The following CHCHD1 variants were observed in gnomAD, a reference collection of about 807,000 sequenced individuals.
The protein encoded by CHCHD1 is small ribosomal subunit protein mS37.
In CHCHD1, 12 loss-of-function variants were observed where a neutral mutation model predicts 12.7. That is an observed-to-expected ratio of 0.95 (90% CI 0.61 to 1.53). The LOEUF is 1.53. Among genes scored for constraint, CHCHD1 ranks in the 40% most tolerant of loss-of-function variants. CHCHD1 has a pLI of 0.00. For missense variants in CHCHD1, 151 were observed against 155.8 expected (o/e 0.97, Z 0.17); for synonymous variants, 57 against 62.4 (o/e 0.91, Z 0.41).
intron 2 of CHCHD1, 107 bp from the exon 3 acceptor site, chr10:73,782,967 C>T: frequency 1.2e-6 from 1 of 869,284 alleles, no homozygotes; most frequent in Non-Finnish European, 1.9e-6. Context: ...TATGGGCCTA[C>T]ATCAGGACAA....
At chr10:73,782,685 G>A in intron 2 of CHCHD1, 1 of 1,007,658 alleles carries the variant, frequency 9.9e-7, no homozygotes, top group Non-Finnish European at 1.4e-6. Flanking sequence ...AGAATGTTGT[G>A]AGTGTCAGAT....
intron 2 of CHCHD1, 165 bp downstream of exon 2, chr10:73,782,606 C>G (rs1218214909): frequency 7.0e-7 from 1 of 1,433,980 alleles, no homozygotes; most frequent in Non-Finnish European, 9.1e-7. Flanking sequence ...GTGATCTTGA[C>G]GGATTTATTC....
In CHCHD1 at chr10:73,782,164, C is replaced by T. The variant is rs750068254; in HGVS notation, c.89C>T (p.Ala30Val). The part of the protein sequence containing the change: ...VLKPNKPLIL[A>V]NRVGERRREK... ...AAGCCCAATAAACCTCTCATTCTAG[C>T]TAACCGCGTCGGGGAGCGGCGCCGG... Residue 30 changes from alanine to valine, a missense_variant, in exon 1 of 3, where the codon GCT becomes GTT. Transcript: ENST00000372833. 1.9e-6 allele frequency: 3 copies of T among 1,613,928 alleles called. No homozygotes were observed. The highest frequency in any genetic ancestry group is 2.5e-6 in the Non-Finnish European group (3 of 1,180,004).
Position 73,782,105 on chromosome 10 carries a change from G to A in CHCHD1, c.30G>A (p.Leu10=). 6.2e-7 allele frequency: 1 copy of A among 1,613,328 alleles called. No homozygotes were observed. Among genetic ancestry groups the A allele is most frequent in the Non-Finnish European group, 8.5e-7 (1 of 1,179,950 alleles). The part of the protein sequence containing the change: MATPSLRGR[L]ARFGNPRKPV... The stretch of plus-strand genomic sequence containing the variant: ...CGACACCCAGCCTGCGGGGTCGTCT[G>A]GCGCGGTTTGGGAACCCGCGGAAGC... The change falls in exon 1 of 3, where the codon CTG becomes CTA. Residue 10 remains leucine, a synonymous_variant. Coordinates refer to ENST00000372833, the MANE Select transcript of CHCHD1 (RefSeq NM_203298.3).
In CHCHD1 at chr10:73,782,530, C is replaced by T. The variant is rs1266388285; in HGVS notation, c.243+89C>T. The T allele has an allele frequency of 6.3e-6, 10 of 1,588,470 alleles. No individual in the cohort carries two copies. In the South Asian group the frequency reaches 8.0e-5, roughly 13 times the overall value. The stretch of plus-strand genomic sequence containing the variant: ...TCCCTGCCTTTTGCTAGGAAAGGCC[C>T]TTTCATTCATTTGGGAGGTATATTA... On this transcript the variant is annotated intron_variant, in intron 2 of 2. Coordinates refer to ENST00000372833, the MANE Select transcript of CHCHD1 (RefSeq NM_203298.3).
At position 73,782,444 on chromosome 10, in the gene CHCHD1, G is replaced by A; in HGVS notation, c.243+3G>A. 6.2e-7 allele frequency: 1 copy of A among 1,614,194 alleles called. No homozygotes were observed. The highest frequency in any genetic ancestry group is 1.1e-5 in the South Asian group (1 of 91,068). On this transcript the variant is annotated splice_donor_region_variant and intron_variant, in intron 2 of 2. Transcript: ENST00000372833. Reference sequence around the variant, plus strand: ...TCGATTGTGCCGCGAGGGCTCAGGTGACCGATGGCTCCTGGGGTGCTTTCT... The same window carrying A: ...TCGATTGTGCCGCGAGGGCTCAGGTAACCGATGGCTCCTGGGGTGCTTTCT...
In CHCHD1 at chr10:73,782,259, T is replaced by C. The variant is rs941329863; in HGVS notation, c.124+60T>C. The C allele has an allele frequency of 2.5e-6, 4 of 1,607,402 alleles. No individual in the cohort carries two copies. In the East Asian group the frequency reaches 8.9e-5, roughly 36 times the overall value. On this transcript the variant is annotated intron_variant, in intron 1 of 2. Coordinates refer to ENST00000372833, the MANE Select transcript of CHCHD1 (RefSeq NM_203298.3). ...AAGCCGGAGCATGAGCAGGGGCGGG[T>C]GGGTAGGAGGGCAGGAAGGTGGGTC... is the stretch of plus-strand genomic sequence containing the variant.
At chr10:73,782,936 G>A (rs941229568) in intron 2 of CHCHD1, 138 bp from the exon 3 acceptor site, 2 of 727,436 alleles carry the variant, frequency 2.7e-6, no homozygotes, top group African/African-American at 1.8e-5. Context: ...ATCTTCATGT[G>A]CTTTAGGGCA....
chr10:73,782,870 T>C, intron 2 of CHCHD1: 1 of 597,558 alleles, frequency 1.7e-6, no homozygotes, highest in South Asian at 2.2e-5. Context: ...CATTTGTAGG[T>C]CCCAACGCCC....
rs748391690 is a variant in CHCHD1, at chr10:73,782,485, G to A, written c.243+44G>A. The A allele has an allele frequency of 1.5e-5, 24 of 1,611,540 alleles. No individual in the cohort carries two copies. In the African/African-American group the frequency reaches 2.5e-4, roughly 17 times the overall value. On this transcript the variant is annotated intron_variant, in intron 2 of 2. Transcript: ENST00000372833. ...GGTGCTTTCTCAGGAAAAGAATGGG[G>A]GAGATAGAAGTAATGATTCTCCCTG...
rs1268770707 is a variant in CHCHD1 at position 73,782,549 on chromosome 10, T to C, written c.243+108T>C. ...AAGGCCCTTTCATTCATTTGGGAGG[T>C]ATATTATTCACGCCAAAGTGGGAAA... On this transcript the variant is annotated intron_variant, in intron 2 of 2. Transcript: ENST00000372833. The C allele has an allele frequency of 5.8e-6, 9 of 1,555,616 alleles. No homozygotes were observed. The East Asian group carries it at 1.8e-4, about 31-fold the overall frequency.
Position 73,783,239 on chromosome 10 carries a change from G to A in CHCHD1, c.*52G>A, listed in dbSNP as rs1565060903. The A allele has an allele frequency of 1.4e-6, 2 of 1,415,402 alleles. No individual in the cohort carries two copies. Among genetic ancestry groups the A allele is most frequent in the Non-Finnish European group, 9.9e-7 (1 of 1,006,810 alleles). The allele number at this position is 1,415,402 out of a possible 1,614,324, so 87.7% of individuals were successfully genotyped here. On this transcript the variant is annotated 3_prime_UTR_variant, in exon 3 of 3. Coordinates refer to ENST00000372833, the MANE Select transcript of CHCHD1 (RefSeq NM_203298.3). Reference sequence around the variant, plus strand: ...AAATATAGCTTCTGACAACTATGCAGAGGCATTTTAGAGACATTGGCATTG... The same window carrying A: ...AAATATAGCTTCTGACAACTATGCAAAGGCATTTTAGAGACATTGGCATTG...
Position 73,782,437 on chromosome 10 carries a change from C to T in CHCHD1, c.239C>T (p.Ala80Val), listed in dbSNP as rs750525214. 28 of 1,614,086 alleles carry T rather than the reference C, an allele frequency of 1.7e-5. No homozygotes were observed. Among genetic ancestry groups the T allele is most frequent in the Non-Finnish European group, 2.1e-5 (25 of 1,180,036 alleles). Residue 80 changes from alanine to valine, a missense_variant, in exon 2 of 3, where the codon GCT (alanine) becomes GTT (valine). Transcript: ENST00000372833. Reference sequence around the variant, plus strand: ...GGCTTCCTCGATTGTGCCGCGAGGGCTCAGGTGACCGATGGCTCCTGGGGT... The same window carrying T: ...GGCTTCCTCGATTGTGCCGCGAGGGTTCAGGTGACCGATGGCTCCTGGGGT... ...IQGFLDCAAR[A>V]QEARKMRSIQ...
At chr10:73,782,890 A>G in intron 2 of CHCHD1, 184 bp from the exon 3 acceptor site, 1 of 613,756 alleles carries the variant, frequency 1.6e-6, no homozygotes, top group East Asian at 2.9e-5. Context: ...CTTTTGTTGA[A>G]AAGAGGCTGA....
rs2083111512 is a variant in CHCHD1, at chr10:73,783,180, T to G, written c.350T>G (p.Leu117Arg). 6.2e-7 allele frequency: 1 copy of G among 1,609,640 alleles called. No homozygotes were observed. Among genetic ancestry groups the G allele is most frequent in the East Asian group, 2.2e-5 (1 of 44,836 alleles). Reference sequence around the variant, plus strand: ...CAGAGGTTTCCTAACAAACCTTACCTCAGCTGAAAATGGACAAGTATTTTC... The same window carrying G: ...CAGAGGTTTCCTAACAAACCTTACCGCAGCTGAAAATGGACAAGTATTTTC... ...LLQRFPNKPY[L>R]S Residue 117 changes from leucine (L) to arginine (R), a missense_variant, in exon 3 of 3, where the codon CTC becomes CGC. Physicochemically the swap from Leu to Arg is moderately radical, Grantham distance 102 (BLOSUM62 -2). Coordinates refer to ENST00000372833, the MANE Select transcript of CHCHD1 (RefSeq NM_203298.3).
intron 1 of CHCHD1, 22 bp downstream of exon 1, chr10:73,782,221 G>A: frequency 1.2e-6 from 2 of 1,613,166 alleles, no homozygotes; most frequent in Non-Finnish European, 1.7e-6. Flanking sequence ...GAGTCAGGAC[G>A]GCCCCGGAGC....
rs1337868091 is a variant in CHCHD1, at chr10:73,783,115, G to C, written c.285G>C (p.Glu95Asp). 1 of 1,613,878 alleles carries C rather than the reference G, an allele frequency of 6.2e-7. No individual in the cohort carries two copies. Among genetic ancestry groups the C allele is most frequent in the African/African-American group, 1.3e-5 (1 of 74,920 alleles). ...GATCAATACAGGAAACCCTGGGAGA[G>C]TCTGGGAGTTTACTTCCAAATAAAT... Reference protein sequence around the residue: ...KMRSIQETLGESGSLLPNKLN... With the variant: ...KMRSIQETLGDSGSLLPNKLN... Residue 95 changes from glutamate (E) to aspartate (D), a missense_variant, in exon 3 of 3, where the codon GAG (glutamate) becomes GAC (aspartate). By Grantham distance (45) the Glu-to-Asp change is conservative (BLOSUM62 2). Coordinates refer to ENST00000372833, the MANE Select transcript of CHCHD1 (RefSeq NM_203298.3).
chr10:73,782,810 C>A, intron 2 of CHCHD1: 1 of 567,544 alleles, frequency 1.8e-6, no homozygotes, highest in South Asian at 2.4e-5. Context: ...AGTTTGGTTT[C>A]CTGTCTAGGC....
Position 73,782,157 on chromosome 10 carries a change from A to G in CHCHD1, c.82A>G (p.Ile28Val). 2 of 1,613,886 alleles carry G rather than the reference A, an allele frequency of 1.2e-6. No homozygotes were observed. Among genetic ancestry groups the G allele is most frequent in the Non-Finnish European group, 1.7e-6 (2 of 1,180,002 alleles). Residue 28 changes from isoleucine (I) to valine (V), a missense_variant, in exon 1 of 3, where the codon ATT (isoleucine) becomes GTT (valine). Transcript: ENST00000372833. ...TGTGCTGAAGCCCAATAAACCTCTC[A>G]TTCTAGCTAACCGCGTCGGGGAGCG... ...KPVLKPNKPLILANRVGERRR... is the reference protein window; with the variant it reads ...KPVLKPNKPLVLANRVGERRR...
Sources: allele counts gnomAD v4.1 joint callset, GRCh38; gene constraint gnomAD v4.1.1; transcripts MANE v1.5; gene names NCBI Gene and HGNC (gene_info 2026-07-23, HGNC 2026-07-21).